The following FAM131A variants were observed in gnomAD, a reference collection of about 807,000 sequenced individuals.
FAM131A encodes protein FAM131A.
Under a neutral mutation model 39.2 loss-of-function variants are expected in FAM131A, and 24 were observed. That is an observed-to-expected ratio of 0.61 (90% CI 0.44 to 0.86). FAM131A has a LOEUF of 0.86. FAM131A is among the 40% of genes least tolerant of loss of function. The pLI is 0.00. For synonymous variants in FAM131A, 202 were observed against 206.8 expected (o/e 0.98, Z 0.20); for missense variants, 373 against 481.2 (o/e 0.78, Z 2.10).
At chr3:184,341,249 G>T in intron 2 of FAM131A, 1 of 200,514 alleles carries the variant, frequency 5.0e-6, no homozygotes, top group Non-Finnish European at 1.0e-5. Flanking sequence ...AAGAGGTCAG[G>T]AAGCAGGGCC....
At chr3:184,338,697 G>C in intron 2 of FAM131A, 168 bp downstream of exon 2, 3 of 813,442 alleles carry the variant, frequency 3.7e-6, no homozygotes, top group Non-Finnish European at 3.7e-6. Context: ...TGCTCTGCTC[G>C]GCGCTGTGCC....
rs1487881380 is a variant in FAM131A at position 184,337,669 on chromosome 3, G to A, written c.39G>A (p.Trp13Ter). The change falls in exon 1 of 6, where the codon TGG becomes TGA. Residue 13 changes from tryptophan (W) to a stop codon, truncating the protein, a stop_gained. Transcript: ENST00000383847. LOFTEE classifies it high-confidence loss of function. ...MISVLGKMFL[W>*]QREGPGGRWT... ...CTGTGCTGGGCAAAATGTTTCTGTG[G>A]CAGCGTGAAGGGCCTGGAGGACGAT... is the stretch of plus-strand genomic sequence containing the variant. 1 of 1,537,174 alleles carries A rather than the reference G, an allele frequency of 6.5e-7. No homozygotes were observed. The highest frequency in any genetic ancestry group is 8.7e-7 in the Non-Finnish European group (1 of 1,146,944).
chr3:184,337,708 A>T lies in FAM131A; in HGVS notation c.78A>T (p.Thr26=). The change falls in exon 1 of 6, where the codon ACA becomes ACT. Residue 26 remains threonine (T), a synonymous_variant. Transcript: ENST00000383847. The stretch of plus-strand genomic sequence containing the variant: ...CTGGAGGACGATGGACTTGTCAGAC[A>T]AGTCGCAGAGGTGAGACCAGGGATC... The part of the protein sequence containing the change: ...EGPGGRWTCQ[T]SRRVSSDPAW... The T allele has an allele frequency of 6.5e-7, 1 of 1,537,266 alleles. No homozygotes were observed. The highest frequency in any genetic ancestry group is 8.7e-7 in the Non-Finnish European group (1 of 1,146,902).
At position 184,345,737 on chromosome 3, in the gene FAM131A, G is replaced by C; in HGVS notation, c.*767G>C. The C allele has an allele frequency of 1.7e-6, 1 of 596,958 alleles. No homozygotes were observed. The highest frequency in any genetic ancestry group is 3.1e-5 in the Admixed American group (1 of 32,598). 37.0% of individuals were successfully genotyped at this position (596,958 alleles called of 1,614,324 possible). The stretch of plus-strand genomic sequence containing the variant: ...GCAGTGTGCTGGCGCCTCACAGCCA[G>C]CCGGGCTGCCCATTCACGCAGAGCT... On this transcript the variant is annotated 3_prime_UTR_variant, in exon 6 of 6. Transcript: ENST00000383847.
upstream of FAM131A, chr3:184,337,521 C>T (rs1727173666): frequency 9.6e-6 from 9 of 938,636 alleles, no homozygotes; most frequent in South Asian, 1.3e-4. Flanking sequence ...GGCACAGGTT[C>T]CAAATGGGGA....
At position 184,345,926 on chromosome 3, in the gene FAM131A, AGT is replaced by A. The variant is rs1727637541; in HGVS notation, c.*959_*960del. ...TGCCAGTGAGTGACAGTCATGAGGG[AGT>A]GTCTCTTCTTGGGGAGGAAAGAAGG... is the stretch of plus-strand genomic sequence containing the variant. On this transcript the variant is annotated 3_prime_UTR_variant, in exon 6 of 6. Coordinates refer to ENST00000383847, the MANE Select transcript of FAM131A (RefSeq NM_144635.5). 5.8e-6 allele frequency: 2 copies of A among 344,230 alleles called. No individual in the cohort carries two copies. The allele number at this position is 344,230 out of a possible 1,614,324, so 21.3% of individuals were successfully genotyped here.
chr3:184,338,636 G>C (rs1195971822), intron 2 of FAM131A, 107 bp downstream of exon 2: 1 of 1,432,880 alleles, frequency 7.0e-7, no homozygotes, highest in African/African-American at 1.4e-5. Flanking sequence ...CTTTTCCGGC[G>C]GGCGGAGGCG....
upstream of FAM131A, chr3:184,337,533 G>A (rs531495416): frequency 9.5e-7 from 1 of 1,057,580 alleles, no homozygotes; most frequent in East Asian, 2.6e-5. Flanking sequence ...AAATGGGGAG[G>A]GGACTGGCTC....
Position 184,345,204 on chromosome 3 carries a change from G to A in FAM131A, c.*234G>A. ...CGGGGCTTGCCGGGGGTTGCCCGGG[G>A]CCTCTGGGGCATGGCTACAGCTGTG... is the stretch of plus-strand genomic sequence containing the variant. On this transcript the variant is annotated 3_prime_UTR_variant, in exon 6 of 6. Coordinates refer to ENST00000383847, the MANE Select transcript of FAM131A (RefSeq NM_144635.5). 1 of 580,390 alleles carries A rather than the reference G, an allele frequency of 1.7e-6. No individual in the cohort carries two copies. Among genetic ancestry groups the A allele is most frequent in the Non-Finnish European group, 3.0e-6 (1 of 330,690 alleles). 36.0% of individuals were successfully genotyped at this position (580,390 alleles called of 1,614,324 possible).
intron 5 of FAM131A, among the ~76,000 whole-genome samples, chr3:184,343,504 C>T (rs1727475715): frequency 6.6e-6 from 1 of 152,220 alleles, no homozygotes; most frequent in African/African-American, 2.4e-5. Context: ...CTTCTGGGCT[C>T]AAGTCTCACA....
Position 184,342,102 on chromosome 3 carries a change from C to A in FAM131A, c.362C>A (p.Pro121His). The A allele has an allele frequency of 6.2e-7, 1 of 1,614,222 alleles. No homozygotes were observed. Among genetic ancestry groups the A allele is most frequent in the Non-Finnish European group, 8.5e-7 (1 of 1,180,038 alleles). ...GTGGTGAAGGACCACGTGACCAAGC[C>A]TACCGCCATGGCCCAGGGCCGAGTG... ...SQVVKDHVTK[P>H]TAMAQGRVAH... The change falls in exon 4 of 6, where the codon CCT (proline) becomes CAT (histidine). Residue 121 changes from proline to histidine, a missense_variant. Pro to His is a moderately conservative substitution (Grantham distance 77, BLOSUM62 -2). Coordinates refer to ENST00000383847, the MANE Select transcript of FAM131A (RefSeq NM_144635.5). The surrounding 1 kb of genome is among the most constrained non-coding windows in gnomAD (Gnocchi z 4.6).
chr3:184,338,656 G>A (rs1727228197), intron 2 of FAM131A, 127 bp downstream of exon 2: 2 of 1,321,470 alleles, frequency 1.5e-6, no homozygotes, highest in Non-Finnish European at 2.0e-6. Context: ...GCTATCCGGC[G>A]GCGGGCCGGG....
chr3:184,338,314 G>A (rs1727212073), intron 1 of FAM131A, 73 bp from the exon 2 acceptor site: 2 of 1,384,964 alleles, frequency 1.4e-6, no homozygotes, highest in African/African-American at 1.5e-5. Context: ...AAATGATACG[G>A]CAATACTGGA....
At chr3:184,338,671 C>A (rs1057437992) in intron 2 of FAM131A, 142 bp downstream of exon 2, 1 of 1,107,364 alleles carries the variant, frequency 9.0e-7, no homozygotes, top group South Asian at 1.6e-5. Flanking sequence ...GCCGGGAGGC[C>A]GCCCCCGTGC....
At position 184,341,902 on chromosome 3, in the gene FAM131A, C is replaced by T. The variant is rs1560242587; in HGVS notation, c.325+85C>T. ...CCTTTGGAACTGTTTCCTGTGAGTA[C>T]ATGCTGGGGTCTCCCCTTTCTTCCC... On this transcript the variant is annotated intron_variant, in intron 3 of 5. Coordinates refer to ENST00000383847, the MANE Select transcript of FAM131A (RefSeq NM_144635.5). 4 of 1,522,012 alleles carry T rather than the reference C, an allele frequency of 2.6e-6. No individual in the cohort carries two copies. The South Asian group carries it at 3.4e-5, about 13-fold the overall frequency. 94.3% of individuals were successfully genotyped at this position (1,522,012 alleles called of 1,614,324 possible).
intron 2 of FAM131A, chr3:184,340,314 A>ATTTTTTTTTTTT (rs3064292): frequency 1.3e-5 from 1 of 75,836 alleles, no homozygotes; most frequent in African/African-American, 5.6e-5. Context: ...CAGCCTATGC[A>ATTTTTTTTTTTT]TTTTTTTTTT....
At chr3:184,338,326 G>A (rs1727212942) in intron 1 of FAM131A, 61 bp from the exon 2 acceptor site, 1 of 1,396,222 alleles carries the variant, frequency 7.2e-7, no homozygotes, top group Admixed American at 3.3e-5. Context: ...AATACTGGAT[G>A]AAAATGGGGA....
Position 184,342,130 on chromosome 3 carries a change from T to C in FAM131A, c.390T>C (p.Ala130=). The change falls in exon 4 of 6, where the codon GCT becomes GCC. Residue 130 remains alanine, a synonymous_variant. Coordinates refer to ENST00000383847, the MANE Select transcript of FAM131A (RefSeq NM_144635.5). This position sits in a 1 kb window ranked among gnomAD's most constrained non-coding sequence, Gnocchi z 4.6. The part of the protein sequence containing the change: ...KPTAMAQGRV[A]HLIEWKGWSK... ...CCGCCATGGCCCAGGGCCGAGTGGC[T>C]CACCTCATTGAGTGGAAGGGCTGGA... 6.2e-7 allele frequency: 1 copy of C among 1,614,192 alleles called. No homozygotes were observed. Among genetic ancestry groups the C allele is most frequent in the Non-Finnish European group, 8.5e-7 (1 of 1,180,044 alleles).
chr3:184,338,265 G>A (rs2108540898), intron 1 of FAM131A, 122 bp from the exon 2 acceptor site: 1 of 1,075,134 alleles, frequency 9.3e-7, no homozygotes, highest in Non-Finnish European at 1.3e-6. Context: ...AGAGCACTCA[G>A]TGGGCGCTGG....
Sources: gnomAD v4.1 joint callset for allele counts (sites outside exome capture counted in the v4.1 genomes callset) on GRCh38, gnomAD v4.1.1 for gene constraint, Gnocchi (gnomAD v3.1) non-coding constraint, MANE v1.5 for transcripts, NCBI Gene and HGNC (gene_info 2026-07-23, HGNC 2026-07-21) for gene names.